The following NRG3 variants were observed in gnomAD, a reference collection of about 807,000 sequenced individuals.
NRG3 encodes the protein pro-neuregulin-3, membrane-bound isoform.
A neutral mutation model predicts 66.9 loss-of-function variants in NRG3; 31 were observed. That is an observed-to-expected ratio of 0.46 (90% confidence interval 0.35 to 0.63). NRG3 has a LOEUF of 0.63. NRG3 is among the 20% of genes least tolerant of loss of function. The pLI is 0.00. For missense variants in NRG3, 910 were observed against 878.9 expected (o/e 1.04, Z -0.45); for synonymous variants, 393 against 359.4 (o/e 1.09, Z -1.06).
chr10:82,288,544 TCA>T (rs1376850675), intron 1 of NRG3, among the ~76,000 whole-genome samples: 5 of 152,148 alleles, frequency 3.3e-5, no homozygotes, highest in African/African-American at 1.2e-4. Flanking sequence ...ATGTGTTCAC[TCA>T]GTCAACAAAC....
intron 4 of NRG3, among the ~76,000 whole-genome samples, chr10:82,881,718 A>G (rs995352564): frequency 1.3e-5 from 2 of 152,170 alleles, no homozygotes; most frequent in Non-Finnish European, 2.9e-5. Flanking sequence ...GTATTTATGT[A>G]TGTGTGTATG....
At chr10:82,146,581 G>C (rs1043949826) in intron 1 of NRG3, among the ~76,000 whole-genome samples, 1 of 152,062 alleles carries the variant, frequency 6.6e-6, no homozygotes, top group African/African-American at 2.4e-5. Context: ...CCCCAACAGC[G>C]TGCACCCTGA....
chr10:82,956,701 G>T (rs1301472751), intron 5 of NRG3, among the ~76,000 whole-genome samples: 1 of 151,866 alleles, frequency 6.6e-6, no homozygotes, highest in African/African-American at 2.4e-5. Flanking sequence ...TCTGAGACAT[G>T]CACTCTTACT....
At chr10:82,286,807 C>T (rs1020198079) in intron 1 of NRG3, among the ~76,000 whole-genome samples, 8 of 152,072 alleles carry the variant, frequency 5.3e-5, no homozygotes, top group Non-Finnish European at 1.2e-4. Context: ...AGGCTGGTTT[C>T]GAACTCCTGA....
At chr10:82,652,749 C>T (rs1344199667) in intron 2 of NRG3, among the ~76,000 whole-genome samples, 1 of 152,174 alleles carries the variant, frequency 6.6e-6, no homozygotes. Context: ...GGACCCACCC[C>T]TGTCTGCCTA....
intron 2 of NRG3, among the ~76,000 whole-genome samples, chr10:82,596,989 C>A (rs1351632208): frequency 6.6e-6 from 1 of 152,166 alleles, no homozygotes; most frequent in East Asian, 1.9e-4. Flanking sequence ...CTAACACCTG[C>A]ACTGCATCAT....
chr10:82,857,912 T>A (rs1398439475), intron 3 of NRG3, among the ~76,000 whole-genome samples: 1 of 152,170 alleles, frequency 6.6e-6, no homozygotes, highest in Non-Finnish European at 1.5e-5. Context: ...AAGGATGAAG[T>A]GATAATATCC....
chr10:81,978,451 T>G (rs956002273), intron 1 of NRG3, among the ~76,000 whole-genome samples: 2 of 152,166 alleles, frequency 1.3e-5, no homozygotes, highest in African/African-American at 4.8e-5. Context: ...TGCTTCAAGA[T>G]AGCCAAGAGG....
At chr10:82,078,951 G>T (rs1008304314) in intron 1 of NRG3, among the ~76,000 whole-genome samples, 3 of 152,062 alleles carry the variant, frequency 2.0e-5, no homozygotes, top group Non-Finnish European at 2.9e-5. Context: ...GCAAACAGTG[G>T]TGCACTCATC....
chr10:82,484,841 G>A (rs980890860), intron 2 of NRG3, among the ~76,000 whole-genome samples: 10 of 152,156 alleles, frequency 6.6e-5, no homozygotes, highest in African/African-American at 2.4e-4. Context: ...GACTTCCAGA[G>A]TCTCTAATCT....
At chr10:82,303,336 A>AACACACACACAC (rs144860357) in intron 1 of NRG3, among the ~76,000 whole-genome samples, 15,993 of 149,226 alleles carry the variant, frequency 0.11, 1,680 homozygotes, top group African/African-American at 0.27. Flanking sequence ...TGCGTGTATA[A>AACACACACACAC]ACACACACAC....
At chr10:82,073,262 C>T (rs948075858) in intron 1 of NRG3, among the ~76,000 whole-genome samples, 1 of 152,062 alleles carries the variant, frequency 6.6e-6, no homozygotes, top group African/African-American at 2.4e-5. Flanking sequence ...AGCAGACTAC[C>T]TGAAAATATT....
intron 1 of NRG3, among the ~76,000 whole-genome samples, chr10:82,024,880 C>T (rs1049883394): frequency 3.9e-5 from 6 of 152,122 alleles, no homozygotes; most frequent in Non-Finnish European, 8.8e-5. Flanking sequence ...CCGTCTTCCT[C>T]ATTCCACATC....
chr10:82,501,806 C>A (rs1460801193), intron 2 of NRG3, among the ~76,000 whole-genome samples: 1 of 152,144 alleles, frequency 6.6e-6, no homozygotes, highest in East Asian at 1.9e-4. Context: ...CTTTATCTTA[C>A]TCCATAGCTG....
At chr10:82,198,191 G>C (rs1457315552) in intron 1 of NRG3, among the ~76,000 whole-genome samples, 1 of 152,140 alleles carries the variant, frequency 6.6e-6, no homozygotes, top group East Asian at 1.9e-4. Flanking sequence ...CTTGAAGATA[G>C]GCACAGCCTG....
chr10:82,730,098 T>G (rs1200775699), intron 2 of NRG3, among the ~76,000 whole-genome samples: 1 of 150,106 alleles, frequency 6.7e-6, no homozygotes, highest in African/African-American at 2.5e-5. Flanking sequence ...CTTTTTTTTT[T>G]TTTTTGAGAC....
intron 1 of NRG3, among the ~76,000 whole-genome samples, chr10:82,107,389 G>A (rs2067132702): frequency 1.3e-5 from 2 of 152,162 alleles, no homozygotes; most frequent in African/African-American, 2.4e-5. Flanking sequence ...AATGGAAGAT[G>A]TTGCTGATAA....
At chr10:82,193,723 TG>T (rs2074291185) in intron 1 of NRG3, among the ~76,000 whole-genome samples, 1 of 152,206 alleles carries the variant, frequency 6.6e-6, no homozygotes, top group African/African-American at 2.4e-5. Context: ...TGGAAGTTAC[TG>T]GAAGTCTTTA....
At chr10:82,244,060 A>T (rs537097161) in intron 1 of NRG3, among the ~76,000 whole-genome samples, 1 of 152,296 alleles carries the variant, frequency 6.6e-6, no homozygotes, top group South Asian at 2.1e-4. Flanking sequence ...GCTTAATGAG[A>T]TCTGAGAAGG....
Sources: allele counts gnomAD v4.1 joint callset (sites outside exome capture counted in the v4.1 genomes callset), GRCh38; gene constraint gnomAD v4.1.1; transcripts MANE v1.5; gene names NCBI Gene and HGNC (gene_info 2026-07-23, HGNC 2026-07-21).